ZFHX3: variants seen among roughly 807,000 people sequenced by gnomAD.
ZFHX3 encodes zinc finger homeobox protein 3.
In ZFHX3, 42 loss-of-function variants were observed where a neutral mutation model predicts 279.1. The observed-to-expected ratio is 0.15, with a 90% CI of 0.12 to 0.19. The LOEUF (loss-of-function observed/expected upper bound fraction) is 0.19, where lower values mean the gene tolerates loss of function less well. Among genes scored for constraint, ZFHX3 ranks in the 10% least tolerant of loss-of-function variants. The probability of loss-of-function intolerance (pLI) is 1.00; values close to 1 mark genes in which losing one functional copy is unlikely to be tolerated. For missense variants in ZFHX3, 4,981 were observed against 4,754.0 expected (o/e 1.05, Z -1.40); for synonymous variants, 2,293 against 1,957.8 (o/e 1.17, Z -4.52).
chr16:73,018,111 G>A (rs1964169003), intron 1 of ZFHX3, among the ~76,000 whole-genome samples: 1 of 150,920 alleles, frequency 6.6e-6, no homozygotes, highest in Non-Finnish European at 1.5e-5. Context: ...TTAGCCTCTT[G>A]AGTAGCTGGG....
chr16:73,554,764 G>A lies in ZFHX3; in HGVS notation c.-1546-98506C>T, dbSNP rs550557288. ...AGAAGGTGACAGCTTCTGCTACTCGGTGTCCCTGCAGTTGCCAGCCTCCCA... is the reference window on the plus strand; with the variant it reads ...AGAAGGTGACAGCTTCTGCTACTCGATGTCCCTGCAGTTGCCAGCCTCCCA... On this transcript the variant is annotated intron_variant, in intron 2 of 17. Transcript: ENST00000641206. 4.6e-5 allele frequency: 7 copies of A among 152,232 alleles called. No individual in the cohort carries two copies. In the East Asian group the frequency reaches 1.4e-3, roughly 29 times the overall value. The allele number at this position is 152,232 out of a possible 1,614,324, so 9.4% of individuals were successfully genotyped here.
At chr16:73,098,896 C>T (rs1028083066) in intron 7 of ZFHX3, 1 of 152,194 alleles carries the variant, frequency 6.6e-6, no homozygotes, top group Non-Finnish European at 1.5e-5. Flanking sequence ...CCTCCACCCC[C>T]TACATTGGAC....
At chr16:73,890,203 T>C (rs947656215) in intron 1 of ZFHX3, among the ~76,000 whole-genome samples, 3 of 151,308 alleles carry the variant, frequency 2.0e-5, no homozygotes, top group African/African-American at 2.4e-5. Context: ...TTGTTAAATT[T>C]TTTCTTCTTG....
chr16:72,804,966 T>TTTTATTTATTTA (rs10659744), intron 7 of ZFHX3, among the ~76,000 whole-genome samples: 1 of 151,348 alleles, frequency 6.6e-6, no homozygotes, highest in African/African-American at 2.4e-5. Flanking sequence ...AGCAGAGAGA[T>TTTTATTTATTTA]TTTATTTATT....
At position 72,788,789 on chromosome 16, in the gene ZFHX3, C is replaced by T. The variant is rs749540973; in HGVS notation, c.9487G>A (p.Gly3163Ser). The T allele has an allele frequency of 1.9e-6, 3 of 1,547,010 alleles. No homozygotes were observed. The highest frequency in any genetic ancestry group is 2.6e-6 in the Non-Finnish European group (3 of 1,149,534). ...TTTGGTAATCCAGAAGTGGGGAGGC[C>T]AGGGGAAGGAACAGTTGTGCTGGGC... ...GLPSTTVPSP[G>S]LPTSGLPNKP... Residue 3163 changes from glycine (G) to serine (S), a missense_variant, in exon 10 of 10, where the codon GGC (glycine) becomes AGC (serine). By Grantham distance (56) the Gly-to-Ser change is moderately conservative (BLOSUM62 0). Transcript: ENST00000268489.
rs1185793145 is a variant in ZFHX3 at position 73,069,453 on chromosome 16, CGT to C, written c.-532-10443_-532-10442del. Among the ~76,000 whole-genome samples the C allele has an allele frequency of 2.0e-5, 3 of 152,152 alleles. No homozygotes were observed. The East Asian group carries it at 5.8e-4, about 29-fold the overall frequency. On this transcript the variant is annotated intron_variant, in intron 8 of 17. Transcript: ENST00000641206. ...AGTTTAGCTATATTCTGCCAGCTCA[CGT>C]GTCCGTCTACAGAATCGTGCACACC...
intron 2 of ZFHX3, among the ~76,000 whole-genome samples, chr16:73,555,869 A>G (rs1596996109): frequency 6.6e-6 from 1 of 151,760 alleles, no homozygotes; most frequent in East Asian, 1.9e-4. Flanking sequence ...TGCAGTTACG[A>G]GGTAAACAAT....
chr16:73,466,563 T>C (rs1211424768), intron 2 of ZFHX3, among the ~76,000 whole-genome samples: 2 of 152,300 alleles, frequency 1.3e-5, no homozygotes, highest in Middle Eastern at 3.4e-3. Flanking sequence ...AGTTACTTAA[T>C]TTCTCTATGC....
At chr16:73,881,835 C>T (rs1239194894) in intron 1 of ZFHX3, among the ~76,000 whole-genome samples, 1 of 151,998 alleles carries the variant, frequency 6.6e-6, no homozygotes, top group Non-Finnish European at 1.5e-5. Context: ...TTTCTGTTCT[C>T]TGCAGATATT....
intron 3 of ZFHX3, among the ~76,000 whole-genome samples, chr16:73,345,466 C>T (rs1015080423): frequency 6.6e-6 from 1 of 150,430 alleles, no homozygotes; most frequent in African/African-American, 2.4e-5. Context: ...TCTTCAGCTC[C>T]TACTTATAAG....
At chr16:73,457,769 C>T (rs561476357) in intron 2 of ZFHX3, among the ~76,000 whole-genome samples, 3 of 152,014 alleles carry the variant, frequency 2.0e-5, no homozygotes, top group Admixed American at 1.3e-4. Context: ...AGCGAGACTC[C>T]GTCTCAAAAA....
intron 4 of ZFHX3, among the ~76,000 whole-genome samples, chr16:72,850,156 C>G (rs2037580607): frequency 6.6e-6 from 1 of 152,188 alleles, no homozygotes; most frequent in South Asian, 2.1e-4. Flanking sequence ...CCACAGCCAT[C>G]ATCAGCCCTC....
chr16:73,195,852 G>A (rs1184038270), intron 5 of ZFHX3, among the ~76,000 whole-genome samples: 1 of 152,188 alleles, frequency 6.6e-6, no homozygotes, highest in Non-Finnish European at 1.5e-5. Flanking sequence ...AGGTGGGAGA[G>A]AAGCGGTGGT....
At chr16:73,536,481 T>G (rs552548130) in intron 2 of ZFHX3, among the ~76,000 whole-genome samples, 1 of 152,184 alleles carries the variant, frequency 6.6e-6, no homozygotes, top group African/African-American at 2.4e-5. Flanking sequence ...CCAAAGTCAA[T>G]GCACTGCAGA....
At chr16:73,780,387 A>G (rs1230497986) in intron 1 of ZFHX3, among the ~76,000 whole-genome samples, 1 of 149,332 alleles carries the variant, frequency 6.7e-6, no homozygotes, top group Non-Finnish European at 1.5e-5. Context: ...AACTCAGGTA[A>G]TCCACCCACC....
At chr16:73,207,520 AC>A (rs2144906536) in intron 5 of ZFHX3, among the ~76,000 whole-genome samples, 1 of 152,318 alleles carries the variant, frequency 6.6e-6, no homozygotes, top group Non-Finnish European at 1.5e-5. Flanking sequence ...CGACAGCAGT[AC>A]CCCTTGGGCC....
intron 3 of ZFHX3, among the ~76,000 whole-genome samples, chr16:73,453,236 CA>C (rs1469534049): frequency 6.6e-6 from 1 of 152,132 alleles, no homozygotes; most frequent in Non-Finnish European, 1.5e-5. Context: ...TTGTTGTTTC[CA>C]AAAAAGTTGT....
At chr16:73,464,653 T>TTAGAGGAGTA (rs2018532358) in intron 2 of ZFHX3, among the ~76,000 whole-genome samples, 1 of 152,042 alleles carries the variant, frequency 6.6e-6, no homozygotes, top group Non-Finnish European at 1.5e-5. Context: ...GAGGAGAGCT[T>TTAGAGGAGTA]CAATTTTACT....
chr16:73,026,673 CAA>C (rs10561679), intron 1 of ZFHX3, among the ~76,000 whole-genome samples: 1,848 of 79,586 alleles, frequency 0.023, 12 homozygotes, highest in African/African-American at 0.032. Flanking sequence ...AAAACTGCCT[CAA>C]AAAAAAAAAA....
Sources: allele counts gnomAD v4.1 joint callset (sites outside exome capture counted in the v4.1 genomes callset), GRCh38; gene constraint gnomAD v4.1.1; transcripts MANE v1.5; gene names NCBI Gene and HGNC (gene_info 2026-07-23, HGNC 2026-07-21).